The following SUN2 variants were observed in gnomAD, a reference collection of about 807,000 sequenced individuals.
SUN2 encodes SUN domain-containing protein 2.
SUN2 carries 60 observed loss-of-function variants against 100.0 expected under a neutral mutation model. That is an observed-to-expected ratio of 0.60 (90% CI 0.49 to 0.74). SUN2 has a LOEUF of 0.74. Among genes scored for constraint, SUN2 ranks in the 30% least tolerant of loss-of-function variants. The pLI is 0.00. For missense variants in SUN2, 834 were observed against 954.6 expected, an observed-to-expected ratio of 0.87 and a Z score of 1.66; for synonymous variants, 367 against 403.3, an observed-to-expected ratio of 0.91 and a Z score of 1.08.
chr22:38,755,285 C>T lies in SUN2; in HGVS notation c.-38+478G>A. 1.8e-6 allele frequency: 2 copies of T among 1,122,754 alleles called. No homozygotes were observed. Among genetic ancestry groups the T allele is most frequent in the South Asian group, 2.0e-5 (1 of 48,884 alleles). 69.5% of individuals were successfully genotyped at this position (1,122,754 alleles called of 1,614,324 possible). A position where few individuals can be genotyped will look rare whatever the true frequency, so the allele number is the denominator to read the frequency against. The stretch of plus-strand genomic sequence containing the variant: ...CACAGGCCAAACCTGCAGAAATTGT[C>T]ACCAAAGGCGCGCCTCCTGGCTCTC... On this transcript the variant is annotated intron_variant, in intron 1 of 17. Coordinates refer to ENST00000689035, the MANE Select transcript of SUN2 (RefSeq NM_015374.3). This position sits in a 1 kb window ranked among gnomAD's most constrained non-coding sequence, Gnocchi z 5.7.
intron 6 of SUN2, 146 bp from the exon 7 acceptor site, chr22:38,748,929 C>T (rs2092923917): frequency 1.3e-5 from 10 of 774,212 alleles, no homozygotes; most frequent in Non-Finnish European, 2.0e-5. Context: ...CTCACTGTGC[C>T]AGGGCCAGCC....
intron 17 of SUN2, 167 bp from the exon 18 acceptor site, chr22:38,736,547 G>T: frequency 1.9e-6 from 1 of 527,468 alleles, no homozygotes; most frequent in East Asian, 3.2e-5. Context: ...TTAGCCTCCT[G>T]AGCAGTGTTT....
intron 7 of SUN2, among the ~76,000 whole-genome samples, chr22:38,746,608 C>T (rs1006140269): frequency 1.7e-4 from 26 of 152,352 alleles, no homozygotes; most frequent in African/African-American, 6.0e-4. Flanking sequence ...GCCCCCTCCA[C>T]GTGCATCTCC....
chr22:38,741,420 G>A (rs2092856604), intron 10 of SUN2, 74 bp downstream of exon 10: 24 of 1,464,858 alleles, frequency 1.6e-5, no homozygotes, highest in Middle Eastern at 1.9e-4. Flanking sequence ...TGGAAGGGCC[G>A]AGGGGTCCGA....
chr22:38,738,339 C>G lies in SUN2; in HGVS notation c.1948-74G>C. On this transcript the variant is annotated intron_variant, in intron 16 of 17. Transcript: ENST00000689035. This position sits in a 1 kb window ranked among gnomAD's most constrained non-coding sequence, Gnocchi z 6.6. ...ACCCCTCCCCACTCCAATCCCTGCT[C>G]CTCCCACCCAGCAGGTCAGGCACCA... 8 of 1,339,116 alleles carry G rather than the reference C, an allele frequency of 6.0e-6. No individual in the cohort carries two copies. The highest frequency in any genetic ancestry group is 8.4e-6 in the Non-Finnish European group (8 of 950,108). The allele number at this position is 1,339,116 out of a possible 1,614,324, so 83.0% of individuals were successfully genotyped here.
At chr22:38,747,521 CAAA>C (rs895852759) in intron 7 of SUN2, among the ~76,000 whole-genome samples, 2 of 152,072 alleles carry the variant, frequency 1.3e-5, no homozygotes, top group African/African-American at 4.8e-5. Context: ...AACAAACTCT[CAAA>C]AAATAATAAA....
rs757027686 is a variant in SUN2, at chr22:38,748,807, C to T, written c.615-24G>A. On this transcript the variant is annotated intron_variant, in intron 6 of 17. Transcript: ENST00000689035. ...GCCTGGACCACGCGGGAGGGCAGGA[C>T]GGGGGAGGCGGAGGTGTGAGGGGAG... The T allele has an allele frequency of 3.8e-5, 61 of 1,613,636 alleles. 1 individual carries two copies. The East Asian group carries it at 8.5e-4, about 22-fold the overall frequency.
At chr22:38,744,933 C>A in intron 8 of SUN2, 2 of 409,510 alleles carry the variant, frequency 4.9e-6, no homozygotes, top group Admixed American at 2.9e-5. Context: ...ATAAAAATGG[C>A]CACCATCCCT....
rs1333782058 is a variant in SUN2 at position 38,739,273 on chromosome 22, G to C, written c.1663+69C>G. 5.9e-6 allele frequency: 9 copies of C among 1,530,352 alleles called. No homozygotes were observed. The highest frequency in any genetic ancestry group is 7.2e-6 in the Non-Finnish European group (8 of 1,105,038). 94.8% of individuals were successfully genotyped at this position (1,530,352 alleles called of 1,614,324 possible). A position where few individuals can be genotyped will look rare whatever the true frequency, so the allele number is the denominator to read the frequency against. On this transcript the variant is annotated intron_variant, in intron 14 of 17. Transcript: ENST00000689035. The surrounding 1 kb of genome is among the most constrained non-coding windows in gnomAD (Gnocchi z 6.7). ...GCTTGCTCTGCCCCACCACCAACCTGGTAGATGCCAGGGGACCGGCCATTG... is the reference window on the plus strand; with the variant it reads ...GCTTGCTCTGCCCCACCACCAACCTCGTAGATGCCAGGGGACCGGCCATTG...
Position 38,735,501 on chromosome 22 carries a change from A to G in SUN2, c.*766T>C. 1 of 290,600 alleles carries G rather than the reference A, an allele frequency of 3.4e-6. No individual in the cohort carries two copies. Among genetic ancestry groups the G allele is most frequent in the East Asian group, 1.1e-4 (1 of 9,188 alleles). The allele number at this position is 290,600 out of a possible 1,614,324, so 18.0% of individuals were successfully genotyped here. A position where few individuals can be genotyped will look rare whatever the true frequency, so the allele number is the denominator to read the frequency against. ...AAGCTCAGGGGCACTGGCAGGCCCT[A>G]GCAGGAACAGGGAGCAGGGTGGGCC... is the stretch of plus-strand genomic sequence containing the variant. On this transcript the variant is annotated 3_prime_UTR_variant, in exon 18 of 18. Coordinates refer to ENST00000689035, the MANE Select transcript of SUN2 (RefSeq NM_015374.3).
chr22:38,745,740 C>T lies in SUN2; in HGVS notation c.757G>A (p.Asp253Asn). The T allele has an allele frequency of 6.8e-6, 11 of 1,614,056 alleles. No homozygotes were observed. Among genetic ancestry groups the T allele is most frequent in the Non-Finnish European group, 9.3e-6 (11 of 1,180,038 alleles). Residue 253 changes from aspartate to asparagine, a missense_variant, in exon 8 of 18, where the codon GAC (aspartate) becomes AAC (asparagine). By Grantham distance (23) the Asp-to-Asn change is conservative. Around this residue, in one of 3 missense-constraint regions of SUN2, gnomAD observed 559 missense variants for 597.7 expected, o/e 0.94. Transcript: ENST00000689035. ...PALVSWWAAK[D>N]SRRPDEGWEA... The stretch of plus-strand genomic sequence containing the variant: ...CAGCCCTCATCCGGCCTCCTGCTGT[C>T]CTTCGCTGCCCACCAGGAAACCAAA...
Position 38,755,991 on chromosome 22 carries a change from G to A in SUN2, c.-266C>T. On this transcript the variant is annotated 5_prime_UTR_variant, in exon 1 of 18. Transcript: ENST00000689035. The surrounding 1 kb of genome is among the most constrained non-coding windows in gnomAD (Gnocchi z 5.7). ...CGCTGCGCGAGTGGGGCCGGGCGGC[G>A]CGCGTGTGGCCGACTCTGTATGTGT... The A allele has an allele frequency of 1.0e-6, 1 of 984,520 alleles. No individual in the cohort carries two copies. The highest frequency in any genetic ancestry group is 1.2e-6 in the Non-Finnish European group (1 of 829,606). 61.0% of individuals were successfully genotyped at this position (984,520 alleles called of 1,614,324 possible).
Position 38,742,550 on chromosome 22 carries a change from C to T in SUN2, c.819G>A (p.Glu273=). 6.2e-7 allele frequency: 1 copy of T among 1,609,942 alleles called. No homozygotes were observed. The change falls in exon 9 of 18, where the codon GAG becomes GAA. Residue 273 remains glutamate, a synonymous_variant. Transcript: ENST00000689035. The part of the protein sequence containing the change: ...ARDSSPHFQA[E]QRVMSRVHSL... ...AGTGTACCCGGGACATAACACGCTGCTCAGCCTGGAAGGGCAGAGAGAGAG... is the reference window on the plus strand; with the variant it reads ...AGTGTACCCGGGACATAACACGCTGTTCAGCCTGGAAGGGCAGAGAGAGAG...
At chr22:38,747,064 G>A (rs1222404382) in intron 7 of SUN2, among the ~76,000 whole-genome samples, 1 of 152,008 alleles carries the variant, frequency 6.6e-6, no homozygotes, top group African/African-American at 2.4e-5. Context: ...GGGCGTGGTG[G>A]CTCACACCTG....
chr22:38,741,119 GCTGT>G (rs2092853867), intron 10 of SUN2, 69 bp from the exon 11 acceptor site: 1 of 1,521,198 alleles, frequency 6.6e-7, no homozygotes, highest in Non-Finnish European at 8.9e-7. Flanking sequence ...AGTAGGATCT[GCTGT>G]CTGTTAGCGT....
At chr22:38,748,182 C>T (rs866256607) in intron 7 of SUN2, among the ~76,000 whole-genome samples, 15 of 150,384 alleles carry the variant, frequency 1.0e-4, no homozygotes, top group South Asian at 2.1e-4. Flanking sequence ...GGCATGTTGG[C>T]GCATGCCTGT....
chr22:38,739,781 C>T lies in SUN2; in HGVS notation c.1519G>A (p.Ala507Thr). 1 of 1,613,652 alleles carries T rather than the reference C, an allele frequency of 6.2e-7. No homozygotes were observed. Among genetic ancestry groups the T allele is most frequent in the Non-Finnish European group, 8.5e-7 (1 of 1,180,018 alleles). The change falls in exon 13 of 18, where the codon GCC becomes ACC. Residue 507 changes from alanine (A) to threonine (T), a missense_variant. Around this residue, in one of 3 missense-constraint regions of SUN2, gnomAD observed 195 missense variants for 280.2 expected, o/e 0.70. Coordinates refer to ENST00000689035, the MANE Select transcript of SUN2 (RefSeq NM_015374.3). This position sits in a 1 kb window ranked among gnomAD's most constrained non-coding sequence, Gnocchi z 6.7. ...AEMQGKSAREAAASLSLTLQK... is the reference protein window; with the variant it reads ...AEMQGKSARETAASLSLTLQK... ...AGCGTCAGGCTCAGGGAGGCCGCGG[C>T]TTCCCTGGCCGACTTGCCCTGCATC...
intron 1 of SUN2, 21 bp from the exon 2 acceptor site, chr22:38,752,686 G>A: frequency 6.3e-7 from 1 of 1,593,774 alleles, no homozygotes; most frequent in Non-Finnish European, 8.5e-7. Flanking sequence ...AGAGGAGGAG[G>A]ACTGGATGTG....
rs1367977586 is a variant in SUN2, at chr22:38,750,306, C to G, written c.439G>C (p.Asp147His). 6 of 1,613,852 alleles carry G rather than the reference C, an allele frequency of 3.7e-6. No homozygotes were observed. Among genetic ancestry groups the G allele is most frequent in the Admixed American group, 1.7e-5 (1 of 60,004 alleles). The change falls in exon 5 of 18, where the codon GAC becomes CAC. Residue 147 changes from aspartate (D) to histidine (H), a missense_variant. Asp to His is a moderately conservative substitution (Grantham distance 81, BLOSUM62 -1). This residue lies in a region of SUN2 where 559 missense variants were observed against 597.7 expected (regional missense o/e 0.94). Transcript: ENST00000689035. ...EDDYVGYSDV[D>H]QQSSSSRLRS... ...AGCCGCGAGCTGGAACTCTGCTGGT[C>G]CACATCCGAGTAGCCTGCGGGGAAC...
Sources: allele counts gnomAD v4.1 joint callset (sites outside exome capture counted in the v4.1 genomes callset), GRCh38; gene constraint gnomAD v4.1.1; regional missense constraint gnomAD v4.1.1; non-coding constraint Gnocchi (gnomAD v3.1); transcripts MANE v1.5; gene names NCBI Gene and HGNC (gene_info 2026-07-23, HGNC 2026-07-21).